Variants in TMEM131L observed in about 807,000 individuals in gnomAD.
TMEM131L encodes the protein transmembrane protein 131-like.
TMEM131L carries 54 observed loss-of-function variants against 192.2 expected under a neutral mutation model. That is an observed-to-expected ratio of 0.28 (90% CI 0.23 to 0.35). TMEM131L has a LOEUF of 0.35. Among genes scored for constraint, TMEM131L ranks in the 10% least tolerant of loss-of-function variants. The pLI, the probability that TMEM131L is intolerant of heterozygous loss-of-function variation, is 1.00. For missense variants in TMEM131L, 1,888 were observed against 1,972.9 expected (o/e 0.96, Z 0.82); for synonymous variants, 701 against 704.9 (o/e 0.99, Z 0.09).
At chr4:153,629,036 C>A (rs779605816) in intron 31 of TMEM131L, among the ~76,000 whole-genome samples, 1 of 152,092 alleles carries the variant, frequency 6.6e-6, no homozygotes, top group African/African-American at 2.4e-5. Flanking sequence ...GTCATTTCCT[C>A]GACTCCTCTC....
chr4:153,624,598 G>GC (rs1025007330), intron 29 of TMEM131L, among the ~76,000 whole-genome samples: 1 of 152,174 alleles, frequency 6.6e-6, no homozygotes, highest in Non-Finnish European at 1.5e-5. Context: ...GTGCCCACAC[G>GC]CCCCGTGAGA....
In TMEM131L at chr4:153,466,441, C is replaced by G. The variant is rs1382127593; in HGVS notation, c.44C>G (p.Thr15Ser). ...RRPQPGCYCR[T>S]AAAVNLLLGV... ...CCGCAGCCCGGCTGCTACTGCCGCA[C>G]CGCGGCGGCCGTGAACCTCCTGCTG... is the stretch of plus-strand genomic sequence containing the variant. Residue 15 changes from threonine to serine, a missense_variant, in exon 1 of 35, where the codon ACC becomes AGC. By Grantham distance (58) the Thr-to-Ser change is moderately conservative. Transcript: ENST00000409959. The G allele has an allele frequency of 2.1e-6, 3 of 1,412,690 alleles. No homozygotes were observed. Among genetic ancestry groups the G allele is most frequent in the Non-Finnish European group, 2.8e-6 (3 of 1,076,276 alleles). The allele number at this position is 1,412,690 out of a possible 1,614,324, so 87.5% of individuals were successfully genotyped here. A position where few individuals can be genotyped will look rare whatever the true frequency, so the allele number is the denominator to read the frequency against.
At position 153,604,193 on chromosome 4, in the gene TMEM131L, C is replaced by T. The variant is rs1244240900; in HGVS notation, c.3181C>T (p.Leu1061=). The T allele has an allele frequency of 1.2e-6, 2 of 1,614,110 alleles. No individual in the cohort carries two copies. The highest frequency in any genetic ancestry group is 1.7e-5 in the Admixed American group (1 of 60,022). ...KNLLNKEENT[L]KNTIVFSNPS... Reference sequence around the variant, plus strand: ...CTTACTGAATAAAGAAGAAAACACACTGAAAAACACAATTGTTTTCAGTAA... The same window carrying T: ...CTTACTGAATAAAGAAGAAAACACATTGAAAAACACAATTGTTTTCAGTAA... The change falls in exon 25 of 35, where the codon CTG becomes TTG. Residue 1061 remains leucine (L), a synonymous_variant. Transcript: ENST00000409959.
chr4:153,616,869 C>T (rs984043720), intron 26 of TMEM131L, among the ~76,000 whole-genome samples: 11 of 152,114 alleles, frequency 7.2e-5, no homozygotes, highest in Admixed American at 1.3e-4. Context: ...TAATTTAAAC[C>T]ATTCTCCTGC....
At chr4:153,466,702 C>T (rs1730772282) in intron 1 of TMEM131L, among the ~76,000 whole-genome samples, 181 bp downstream of exon 1, 1 of 152,206 alleles carries the variant, frequency 6.6e-6, no homozygotes, top group Non-Finnish European at 1.5e-5. Flanking sequence ...CCGTCCCGCG[C>T]CTCTCTGCCC....
rs1731927225 is a variant in TMEM131L, at chr4:153,602,676, C to T, written c.2588C>T (p.Pro863Leu). The part of the protein sequence containing the change: ...HLLPLCADVV[P>L]GPSWEESFWR... ...TTGCCCTTGTGTGCAGACGTGGTTC[C>T]AGGACCCAGCTGGGAGGAGTCATTT... Residue 863 changes from proline (P) to leucine (L), a missense_variant, in exon 23 of 35, where the codon CCA becomes CTA. Transcript: ENST00000409959. 1.2e-6 allele frequency: 2 copies of T among 1,613,852 alleles called. No homozygotes were observed. The highest frequency in any genetic ancestry group is 1.7e-6 in the Non-Finnish European group (2 of 1,179,848).
chr4:153,612,025 C>CCCA (rs376013485), intron 25 of TMEM131L, among the ~76,000 whole-genome samples: 1 of 152,002 alleles, frequency 6.6e-6, no homozygotes, highest in Non-Finnish European at 1.5e-5. Context: ...TGTCCCCCCC[C>CCCA]ACCTTTTTCC....
rs148525170 is a variant in TMEM131L, at chr4:153,473,791, C to T, written c.196-54C>T. 2.4e-5 allele frequency: 36 copies of T among 1,472,844 alleles called. No homozygotes were observed. The East Asian group carries it at 3.8e-4, about 16-fold the overall frequency. 91.2% of individuals were successfully genotyped at this position (1,472,844 alleles called of 1,614,324 possible). A position where few individuals can be genotyped will look rare whatever the true frequency, so the allele number is the denominator to read the frequency against. On this transcript the variant is annotated intron_variant, in intron 2 of 34. Transcript: ENST00000409959. ...TGGGTGACAGAGCGAGACTCTGTCTCAAAAACAAACGAACAAACAGAAACA... is the reference window on the plus strand; with the variant it reads ...TGGGTGACAGAGCGAGACTCTGTCTTAAAAACAAACGAACAAACAGAAACA...
chr4:153,549,978 T>C (rs1737481890), intron 3 of TMEM131L, 95 bp from the exon 4 acceptor site: 1 of 497,150 alleles, frequency 2.0e-6, no homozygotes. Flanking sequence ...TAAAATTATA[T>C]GTCATGCATT....
intron 33 of TMEM131L, among the ~76,000 whole-genome samples, chr4:153,634,907 T>C (rs1488307746): frequency 6.6e-6 from 1 of 152,214 alleles, no homozygotes; most frequent in Non-Finnish European, 1.5e-5. Context: ...ATCATTCTTA[T>C]CTAGATTTTG....
rs890916590 is a variant in TMEM131L, at chr4:153,624,584, A to G, written c.4045+1501A>G. Among the ~76,000 whole-genome samples the G allele has an allele frequency of 1.4e-4, 22 of 152,362 alleles. No individual in the cohort carries two copies. The East Asian group carries it at 4.2e-3, about 29-fold the overall frequency. On this transcript the variant is annotated intron_variant, in intron 29 of 34. Coordinates refer to ENST00000409959, the MANE Select transcript of TMEM131L (RefSeq NM_001131007.2). The stretch of plus-strand genomic sequence containing the variant: ...CACCTTGCATTTGTCAAGCATGCTC[A>G]TGGGTGCCCACACGCCCCGTGAGAA...
intron 3 of TMEM131L, among the ~76,000 whole-genome samples, chr4:153,518,510 A>G (rs1312520984): frequency 6.6e-6 from 1 of 151,770 alleles, no homozygotes; most frequent in South Asian, 2.1e-4. Flanking sequence ...AATACATTCA[A>G]TTTTTTGGTC....
intron 25 of TMEM131L, among the ~76,000 whole-genome samples, chr4:153,611,870 T>TTTCA (rs2126584749): frequency 6.6e-6 from 1 of 152,352 alleles, no homozygotes; most frequent in South Asian, 2.1e-4. Context: ...GTTTTAAGTA[T>TTTCA]TTCACATTGT....
chr4:153,619,952 C>A (rs1215903417), intron 26 of TMEM131L, among the ~76,000 whole-genome samples: 2 of 152,126 alleles, frequency 1.3e-5, no homozygotes, highest in African/African-American at 4.8e-5. Context: ...GTCTTTTAAG[C>A]CCTTGGGTCT....
At chr4:153,470,031 T>G (rs79917651) in intron 2 of TMEM131L, among the ~76,000 whole-genome samples, 1,473 of 141,788 alleles carry the variant, frequency 0.01, 9 homozygotes, top group Non-Finnish European at 0.018. Context: ...GATTAAGTCT[T>G]TTTTTTTTTT....
chr4:153,574,154 G>A (rs1191394026), intron 7 of TMEM131L, among the ~76,000 whole-genome samples: 1 of 152,166 alleles, frequency 6.6e-6, no homozygotes, highest in Non-Finnish European at 1.5e-5. Flanking sequence ...CTAAAATGAT[G>A]TGGATAAGGA....
At chr4:153,481,959 G>T (rs1385968764) in intron 3 of TMEM131L, among the ~76,000 whole-genome samples, 2 of 152,032 alleles carry the variant, frequency 1.3e-5, no homozygotes, top group African/African-American at 4.8e-5. Flanking sequence ...GGTTTCTCCT[G>T]CCTCAGCCTC....
chr4:153,566,371 G>A (rs138519160), intron 7 of TMEM131L, among the ~76,000 whole-genome samples: 1,893 of 152,082 alleles, frequency 0.012, 28 homozygotes, highest in African/African-American at 0.04. Context: ...TCCTGACCTC[G>A]TGATCCGCCC....
At chr4:153,629,425 C>G (rs1734065463) in intron 31 of TMEM131L, among the ~76,000 whole-genome samples, 1 of 152,184 alleles carries the variant, frequency 6.6e-6, no homozygotes, top group Admixed American at 6.5e-5. Context: ...CCTTCTGCAT[C>G]ATCAGTTTTT....
Sources: gnomAD v4.1 joint callset for allele counts (sites outside exome capture counted in the v4.1 genomes callset) on GRCh38, gnomAD v4.1.1 for gene constraint, MANE v1.5 for transcripts, NCBI Gene and HGNC (gene_info 2026-07-23, HGNC 2026-07-21) for gene names.